The following CFAP20DC variants were observed in gnomAD, a reference collection of about 807,000 sequenced individuals.
CFAP20DC encodes the protein protein CFAP20DC.
Under a neutral mutation model 101.7 loss-of-function variants are expected in CFAP20DC, and 84 were observed. The observed-to-expected ratio is 0.83, with a 90% confidence interval of 0.69 to 0.99. CFAP20DC has a LOEUF of 0.99. CFAP20DC is among the 50% of genes least tolerant of loss of function. CFAP20DC has a pLI of 0.00. For missense variants in CFAP20DC, 1,007 were observed against 970.3 expected, an observed-to-expected ratio of 1.04 and a Z score of -0.50; for synonymous variants, 359 against 351.2, an observed-to-expected ratio of 1.02 and a Z score of -0.25.
rs1243848205 is a variant in CFAP20DC, at chr3:58,795,849, C to T, written c.2237+10546G>A. On this transcript the variant is annotated intron_variant, in intron 15 of 16. Coordinates refer to ENST00000482387, the MANE Select transcript of CFAP20DC (RefSeq NM_001394063.1). This position sits in a 1 kb window ranked among gnomAD's most constrained non-coding sequence, Gnocchi z 4.2. ...CAGTCTTAATGCCTTTAGACTCTCA[C>T]AGAGTACAAAGGGAAAACTAGGAAA... is the stretch of plus-strand genomic sequence containing the variant. Among the ~76,000 whole-genome samples the T allele has an allele frequency of 6.6e-6, 1 of 152,144 alleles. No homozygotes were observed. The highest frequency in any genetic ancestry group is 1.9e-4 in the East Asian group (1 of 5,190).
chr3:59,034,245 A>G (rs2094051578), intron 4 of CFAP20DC, among the ~76,000 whole-genome samples: 1 of 152,212 alleles, frequency 6.6e-6, no homozygotes, highest in East Asian at 1.9e-4. Flanking sequence ...AAAAACATAC[A>G]AAATTTTAAA....
Position 58,722,593 on chromosome 3 carries a change from G to A in CFAP20DC, c.198-4965C>T, listed in dbSNP as rs1026977602. On this transcript the variant is annotated intron_variant, in intron 3 of 3. Coordinates refer to the CFAP20DC transcript ENST00000486145. This position sits in a 1 kb window ranked among gnomAD's most constrained non-coding sequence, Gnocchi z 4.5. ...ACTCAAAAGCCCAGCTCTCCCCTTC[G>A]ACGCAGGGTCAAGGCAAGACAGGGA... Among the ~76,000 whole-genome samples, 6 of 152,156 alleles carry A rather than the reference G, an allele frequency of 3.9e-5. No homozygotes were observed. Among genetic ancestry groups the A allele is most frequent in the South Asian group, 2.1e-4 (1 of 4,820 alleles).
chr3:58,924,835 G>C lies in CFAP20DC; in HGVS notation c.394-10971C>G. Among the ~76,000 whole-genome samples, 3 of 152,118 alleles carry C rather than the reference G, an allele frequency of 2.0e-5. No homozygotes were observed. In the South Asian group the frequency reaches 6.2e-4, roughly 32 times the overall value. On this transcript the variant is annotated intron_variant, in intron 5 of 16. Transcript: ENST00000482387. Reference sequence around the variant, plus strand: ...CATTTCTTTGACGATTATTGATGTGGAGGATTTTTTTCATATTTTTGTTGG... The same window carrying C: ...CATTTCTTTGACGATTATTGATGTGCAGGATTTTTTTCATATTTTTGTTGG...
intron 4 of CFAP20DC, among the ~76,000 whole-genome samples, chr3:58,942,237 G>A (rs975690771): frequency 6.6e-6 from 1 of 152,160 alleles, no homozygotes; most frequent in African/African-American, 2.4e-5. Flanking sequence ...GTATTTTGTT[G>A]AAGATTTTTA....
rs1164692877 is a variant in CFAP20DC, at chr3:58,897,598, T to A, written c.551-12889A>T. Among the ~76,000 whole-genome samples, 2 of 152,236 alleles carry A rather than the reference T, an allele frequency of 1.3e-5. No homozygotes were observed. Among genetic ancestry groups the A allele is most frequent in the Admixed American group, 6.5e-5 (1 of 15,286 alleles). ...CGTGGTGATGAGTTCCCTCAGCATTTGCTTGTCTGAAAATTATCTTATTTC... is the reference window on the plus strand; with the variant it reads ...CGTGGTGATGAGTTCCCTCAGCATTAGCTTGTCTGAAAATTATCTTATTTC... On this transcript the variant is annotated intron_variant, in intron 6 of 16. Coordinates refer to ENST00000482387, the MANE Select transcript of CFAP20DC (RefSeq NM_001394063.1). The surrounding 1 kb of genome is among the most constrained non-coding windows in gnomAD (Gnocchi z 4.4).
intron 6 of CFAP20DC, among the ~76,000 whole-genome samples, chr3:58,885,608 C>T (rs1229205523): frequency 6.6e-6 from 1 of 150,538 alleles, no homozygotes; most frequent in Non-Finnish European, 1.5e-5. Context: ...TTCCCTACCC[C>T]TCCCTTCCCC....
intron 15 of CFAP20DC, among the ~76,000 whole-genome samples, chr3:58,801,557 A>T (rs1329020478): frequency 6.6e-6 from 1 of 151,962 alleles, no homozygotes; most frequent in Non-Finnish European, 1.5e-5. Flanking sequence ...CTCTTTTGTG[A>T]TGGGAAACTA....
chr3:58,880,835 C>A (rs574197948), intron 7 of CFAP20DC, among the ~76,000 whole-genome samples: 23 of 151,956 alleles, frequency 1.5e-4, no homozygotes, highest in African/African-American at 5.6e-4. Flanking sequence ...ATGATTCAAA[C>A]GTAAGAGATG....
intron 4 of CFAP20DC, among the ~76,000 whole-genome samples, chr3:59,031,466 C>T (rs1055006004): frequency 6.6e-6 from 1 of 152,058 alleles, no homozygotes; most frequent in Non-Finnish European, 1.5e-5. Context: ...TTGTGTGATC[C>T]CCTCTACCTT....
chr3:58,915,570 G>C (rs1227561088), intron 5 of CFAP20DC, among the ~76,000 whole-genome samples: 1 of 151,984 alleles, frequency 6.6e-6, no homozygotes, highest in African/African-American at 2.4e-5. Flanking sequence ...CTTGGCTCCA[G>C]GGGTACAGAC....
In CFAP20DC at chr3:59,006,406, AAAACTGGAAGAATT is replaced by A. The variant is rs1164114032; in HGVS notation, c.278+33137_278+33150del. On this transcript the variant is annotated intron_variant, in intron 4 of 16. Coordinates refer to ENST00000482387, the MANE Select transcript of CFAP20DC (RefSeq NM_001394063.1). The surrounding 1 kb of genome is among the most constrained non-coding windows in gnomAD (Gnocchi z 4.3). ...AGTACCACTGCAGGAATCTACCAGG[AAAACTGGAAGAATT>A]CACAGATCCTTTGAAAGAAGCAGCA... Among the ~76,000 whole-genome samples the A allele has an allele frequency of 6.6e-6, 1 of 152,236 alleles. No homozygotes were observed. Among genetic ancestry groups the A allele is most frequent in the Non-Finnish European group, 1.5e-5 (1 of 68,040 alleles).
intron 15 of CFAP20DC, among the ~76,000 whole-genome samples, chr3:58,802,996 G>A (rs751055288): frequency 6.7e-4 from 101 of 151,878 alleles, no homozygotes; most frequent in Non-Finnish European, 2.4e-4. Context: ...GAAAAAAAAT[G>A]TGCATGAAAG....
intron 4 of CFAP20DC, among the ~76,000 whole-genome samples, chr3:58,951,432 A>T (rs1293763944): frequency 1.3e-5 from 2 of 152,250 alleles, no homozygotes; most frequent in African/African-American, 4.8e-5. Context: ...ATTAGAAATC[A>T]TGCTGCTATA....
chr3:58,850,925 G>C (rs2078171552), intron 12 of CFAP20DC, among the ~76,000 whole-genome samples: 1 of 152,138 alleles, frequency 6.6e-6, no homozygotes, highest in African/African-American at 2.4e-5. Flanking sequence ...AATGGTGGCA[G>C]TCTCCGGTGA....
At chr3:58,821,339 C>T (rs1364648053) in intron 14 of CFAP20DC, among the ~76,000 whole-genome samples, 1 of 151,924 alleles carries the variant, frequency 6.6e-6, no homozygotes, top group Non-Finnish European at 1.5e-5. Flanking sequence ...AAAGAAACTA[C>T]CATCAGAGTG....
intron 15 of CFAP20DC, among the ~76,000 whole-genome samples, chr3:58,785,822 T>G (rs2072283124): frequency 6.6e-6 from 1 of 152,118 alleles, no homozygotes; most frequent in Non-Finnish European, 1.5e-5. Flanking sequence ...ACTTTCCCTC[T>G]TATCTGCCTA....
In CFAP20DC at chr3:58,966,474, G is replaced by GTATATATA. The variant is rs60270814; in HGVS notation, c.279-28720_279-28713dup. Among the ~76,000 whole-genome samples, 1,117 of 114,698 alleles carry GTATATATA rather than the reference G, an allele frequency of 9.7e-3. 16 individuals carry two copies. Among genetic ancestry groups the GTATATATA allele is most frequent in the African/African-American group, 0.028 (1,057 of 37,214 alleles). The allele number at this position is 114,698 out of a possible 152,430, so 75.2% of individuals were successfully genotyped here. A position where few individuals can be genotyped will look rare whatever the true frequency, so the allele number is the denominator to read the frequency against. On this transcript the variant is annotated intron_variant, in intron 4 of 16. Coordinates refer to ENST00000482387, the MANE Select transcript of CFAP20DC (RefSeq NM_001394063.1). ...AAATATCATTGAAATATACATATGTGTATATATATATATATACACATATGT... is the reference window on the plus strand; with the variant it reads ...AAATATCATTGAAATATACATATGTGTATATATATATATATATATATATACACATATGT...
Position 58,913,771 on chromosome 3 carries a change from T to A in CFAP20DC, c.487A>T (p.Asn163Tyr), listed in dbSNP as rs180918512. Residue 163 changes from asparagine to tyrosine, a missense_variant, in exon 6 of 17, where the codon AAC (asparagine) becomes TAC (tyrosine). Physicochemically the swap from Asn to Tyr is moderately radical, Grantham distance 143. Coordinates refer to ENST00000482387, the MANE Select transcript of CFAP20DC (RefSeq NM_001394063.1). This position sits in a 1 kb window ranked among gnomAD's most constrained non-coding sequence, Gnocchi z 4.4. ...QSLDGIVVSA[N>Y]CKLRKIFTLK... ...GTGAAGATCTTCCGTAGCTTACAGT[T>A]AGCTGAGACAACAATTCCATCCAAT... The A allele has an allele frequency of 3.7e-6, 6 of 1,613,754 alleles. No homozygotes were observed. In the African/African-American group the frequency reaches 6.7e-5, roughly 18 times the overall value.
At chr3:58,994,315 C>T (rs542504793) in intron 4 of CFAP20DC, among the ~76,000 whole-genome samples, 6 of 152,278 alleles carry the variant, frequency 3.9e-5, no homozygotes, top group African/African-American at 1.4e-4. Context: ...TTTCTGCCTG[C>T]TTCTGAGATT....
Sources: gnomAD v4.1 joint callset for allele counts (sites outside exome capture counted in the v4.1 genomes callset) on GRCh38, gnomAD v4.1.1 for gene constraint, Gnocchi (gnomAD v3.1) non-coding constraint, MANE v1.5 for transcripts, NCBI Gene and HGNC (gene_info 2026-07-23, HGNC 2026-07-21) for gene names.